Variants in DPP10 observed in about 807,000 individuals in gnomAD.
DPP10 encodes the protein dipeptidyl peptidase like 10, also known as inactive dipeptidyl peptidase 10.
A neutral mutation model predicts 120.9 loss-of-function variants in DPP10; 33 were observed. That is an observed-to-expected ratio of 0.27 (90% CI 0.21 to 0.37). The LOEUF (loss-of-function observed/expected upper bound fraction) is 0.37. DPP10 is among the 10% of genes least tolerant of loss of function. The pLI, the probability that DPP10 is intolerant of heterozygous loss-of-function variation, is 1.00. For missense variants in DPP10, 816 were observed against 942.8 expected, an observed-to-expected ratio of 0.87 and a Z score of 1.76; for synonymous variants, 337 against 326.1, an observed-to-expected ratio of 1.03 and a Z score of -0.36.
At chr2:114,971,666 A>G (rs954103472) in intron 1 of DPP10, among the ~76,000 whole-genome samples, 4 of 152,216 alleles carry the variant, frequency 2.6e-5, no homozygotes, top group African/African-American at 7.2e-5. Context: ...GAAAGATGCC[A>G]TAAGATTTCG....
At chr2:115,336,558 ACTCTCTCTCT>A (rs70941045) in intron 2 of DPP10, among the ~76,000 whole-genome samples, 3 of 144,586 alleles carry the variant, frequency 2.1e-5, no homozygotes, top group African/African-American at 7.7e-5. Flanking sequence ...ATACATGTGT[ACTCTCTCTCT>A]CTCTCTCTCT....
chr2:114,617,869 T>TA (rs1335528854), intron 1 of DPP10, among the ~76,000 whole-genome samples: 1 of 152,144 alleles, frequency 6.6e-6, no homozygotes. Context: ...CTCCTTATCC[T>TA]ATGAATTAGT....
chr2:114,782,821 C>T (rs1182629904), intron 1 of DPP10, among the ~76,000 whole-genome samples: 1 of 152,048 alleles, frequency 6.6e-6, no homozygotes, highest in Admixed American at 6.6e-5. Flanking sequence ...AGTAATTTCA[C>T]ATAATGCAAC....
chr2:114,859,850 C>A (rs879691597), intron 1 of DPP10, among the ~76,000 whole-genome samples: 5 of 152,158 alleles, frequency 3.3e-5, no homozygotes, highest in Non-Finnish European at 7.3e-5. Flanking sequence ...TCAATTACCA[C>A]GATTTCAGGG....
At chr2:115,014,225 A>G (rs1702471376) in intron 1 of DPP10, among the ~76,000 whole-genome samples, 1 of 152,198 alleles carries the variant, frequency 6.6e-6, no homozygotes, top group African/African-American at 2.4e-5. Context: ...GAAACTGAAC[A>G]ACATGCTCCT....
intron 1 of DPP10, among the ~76,000 whole-genome samples, chr2:115,297,999 A>G (rs1229491412): frequency 6.6e-6 from 1 of 152,060 alleles, no homozygotes; most frequent in Non-Finnish European, 1.5e-5. Flanking sequence ...TTTGAGATGC[A>G]GATAGCTAGT....
chr2:114,872,800 A>G (rs1690797562), intron 1 of DPP10, among the ~76,000 whole-genome samples: 1 of 152,220 alleles, frequency 6.6e-6, no homozygotes, highest in African/African-American at 2.4e-5. Context: ...GAAAGACCAA[A>G]TAATGAGAGA....
At chr2:114,863,914 C>T (rs1250265634) in intron 1 of DPP10, among the ~76,000 whole-genome samples, 5 of 152,110 alleles carry the variant, frequency 3.3e-5, no homozygotes, top group Admixed American at 2.0e-4. Flanking sequence ...GCCTCCAAGT[C>T]GAGCCTGTGT....
intron 3 of DPP10, among the ~76,000 whole-genome samples, chr2:115,382,210 A>T (rs1330981142): frequency 1.3e-4 from 19 of 151,770 alleles, no homozygotes; most frequent in African/African-American, 4.6e-4. Context: ...AATCAGCGAG[A>T]CTCTGTGGGC....
At chr2:115,089,072 C>T (rs770426748) in intron 1 of DPP10, among the ~76,000 whole-genome samples, 15 of 152,132 alleles carry the variant, frequency 9.9e-5, no homozygotes, top group South Asian at 2.1e-4. Context: ...AATTTTTATG[C>T]GCCACCTTCT....
intron 2 of DPP10, among the ~76,000 whole-genome samples, chr2:115,322,047 C>A (rs758541406): frequency 1.3e-5 from 2 of 152,140 alleles, no homozygotes; most frequent in Non-Finnish European, 2.9e-5. Context: ...GCCTCCCCAG[C>A]AGCAGTTTCT....
intron 1 of DPP10, among the ~76,000 whole-genome samples, chr2:114,532,296 TAC>T (rs56653562): frequency 0.011 from 798 of 74,608 alleles, 15 homozygotes; most frequent in African/African-American, 0.034. Context: ...TATATATATA[TAC>T]ACACACACAC....
chr2:115,232,445 A>T (rs116570951), intron 1 of DPP10, among the ~76,000 whole-genome samples: 293 of 152,228 alleles, frequency 1.9e-3, no homozygotes, highest in African/African-American at 5.5e-3. Flanking sequence ...CTGTTTAATT[A>T]TTTTGCTTAC....
At chr2:114,987,181 T>C (rs143122511) in intron 1 of DPP10, among the ~76,000 whole-genome samples, 91 of 152,336 alleles carry the variant, frequency 6.0e-4, no homozygotes, top group African/African-American at 2.1e-3. Context: ...TTAAGGCATA[T>C]AAATTACACA....
intron 1 of DPP10, among the ~76,000 whole-genome samples, chr2:114,588,534 A>C (rs1691189485): frequency 6.6e-6 from 1 of 152,212 alleles, no homozygotes; most frequent in African/African-American, 2.4e-5. Context: ...ACACAAATAA[A>C]TGATAAATAT....
chr2:114,895,904 T>A (rs2106634093), intron 1 of DPP10, among the ~76,000 whole-genome samples: 1 of 152,294 alleles, frequency 6.6e-6, no homozygotes, highest in African/African-American at 2.4e-5. Flanking sequence ...TTGAATTAAT[T>A]TTTGTATAAG....
At chr2:115,814,258 A>G (rs10184248) in intron 19 of DPP10, among the ~76,000 whole-genome samples, 8,844 of 152,194 alleles carry the variant, frequency 0.058, 915 homozygotes, top group African/African-American at 0.2. Context: ...ATTCCACCAC[A>G]GAAACAAACA....
chr2:115,786,048 A>T (rs528312054), intron 17 of DPP10, among the ~76,000 whole-genome samples: 21 of 152,292 alleles, frequency 1.4e-4, no homozygotes, highest in Admixed American at 1.2e-3. Flanking sequence ...TTCCAGATAT[A>T]TATAATAGGG....
At chr2:114,853,574 G>A (rs895577017) in intron 1 of DPP10, among the ~76,000 whole-genome samples, 17 of 152,166 alleles carry the variant, frequency 1.1e-4, no homozygotes, top group African/African-American at 3.9e-4. Flanking sequence ...CATCTCTGAA[G>A]AATAAGGTCT....
Sources: gnomAD v4.1 joint callset for allele counts (sites outside exome capture counted in the v4.1 genomes callset) on GRCh38, gnomAD v4.1.1 for gene constraint, MANE v1.5 for transcripts, NCBI Gene and HGNC (gene_info 2026-07-23, HGNC 2026-07-21) for gene names.